The following ATRNL1 variants were observed in gnomAD, a reference collection of about 807,000 sequenced individuals.
ATRNL1 encodes attractin like 1.
A neutral mutation model predicts 182.7 loss-of-function variants in ATRNL1; 95 were observed. The ratio of observed to expected loss-of-function variants is 0.52; its 90% CI spans 0.44 to 0.62. The LOEUF is 0.62. Ranked by LOEUF, ATRNL1 falls within the 20% of genes least tolerant of loss-of-function variation. The pLI is 0.00. For missense variants in ATRNL1, 1,471 were observed against 1,679.5 expected (o/e 0.88, Z 2.17); for synonymous variants, 576 against 568.3 (o/e 1.01, Z -0.19).
chr10:115,119,901 G>A (rs1220478807), intron 1 of ATRNL1, among the ~76,000 whole-genome samples: 1 of 151,990 alleles, frequency 6.6e-6, no homozygotes, highest in East Asian at 1.9e-4. Context: ...CATCAACATT[G>A]AATCCTTCAG....
intron 26 of ATRNL1, among the ~76,000 whole-genome samples, chr10:115,688,569 TG>T (rs1368234554): frequency 6.6e-6 from 1 of 152,202 alleles, no homozygotes; most frequent in African/African-American, 2.4e-5. Context: ...TTAGTGACGT[TG>T]GGGCATTTTT....
intron 27 of ATRNL1, among the ~76,000 whole-genome samples, chr10:115,773,519 G>C (rs187891082): frequency 6.6e-6 from 1 of 152,064 alleles, no homozygotes; most frequent in African/African-American, 2.4e-5. Context: ...ATAAGATATA[G>C]CCCAGTCATA....
intron 26 of ATRNL1, among the ~76,000 whole-genome samples, chr10:115,594,333 C>T (rs1033116210): frequency 1.3e-5 from 2 of 152,036 alleles, no homozygotes; most frequent in Admixed American, 1.3e-4. Flanking sequence ...CAAAATTTAG[C>T]AGATTTTATG....
At chr10:115,675,317 G>A (rs782805074) in intron 26 of ATRNL1, among the ~76,000 whole-genome samples, 1 of 152,052 alleles carries the variant, frequency 6.6e-6, no homozygotes, top group Non-Finnish European at 1.5e-5. Context: ...AGCTATGATT[G>A]TGCGACTGCA....
Position 115,685,477 on chromosome 10 carries a change from C to A in ATRNL1, c.3796-41771C>A, listed in dbSNP as rs561785578. On this transcript the variant is annotated intron_variant, in intron 26 of 28. Coordinates refer to ENST00000355044, the MANE Select transcript of ATRNL1 (RefSeq NM_207303.4). Reference sequence around the variant, plus strand: ...CAGTTCTGGCATATAATAAGTATTCCATAAAGAGCTAAAGCTACTGTCATC... The same window carrying A: ...CAGTTCTGGCATATAATAAGTATTCAATAAAGAGCTAAAGCTACTGTCATC... Among the ~76,000 whole-genome samples the A allele has an allele frequency of 1.6e-4, 24 of 151,760 alleles. No individual in the cohort carries two copies. The South Asian group carries it at 5.0e-3, about 31-fold the overall frequency.
rs565664152 is a variant in ATRNL1 at position 115,586,644 on chromosome 10, T to C, written c.3795+37108T>C. 2.5e-3 allele frequency among the ~76,000 whole-genome samples: 290 copies of C among 117,758 alleles called. 9 individuals carry two copies. Among genetic ancestry groups the C allele is most frequent in the African/African-American group, 7.5e-3 (280 of 37,138 alleles). 77.3% of individuals were successfully genotyped at this position (117,758 alleles called of 152,430 possible). A position where few individuals can be genotyped will look rare whatever the true frequency, so the allele number is the denominator to read the frequency against. On this transcript the variant is annotated intron_variant, in intron 26 of 28. Transcript: ENST00000355044. ...ACTTCTCTGTATTGGTTATTCTAGT[T>C]ATACATTCTTCTAAATTTTTTTCAG...
chr10:115,158,432 T>C (rs1846623972), intron 5 of ATRNL1, among the ~76,000 whole-genome samples: 1 of 152,050 alleles, frequency 6.6e-6, no homozygotes, highest in Non-Finnish European at 1.5e-5. Context: ...TCTAAGTTAC[T>C]GTAATTAAAT....
At chr10:115,480,708 ATATAT>A (rs1366480394) in intron 24 of ATRNL1, among the ~76,000 whole-genome samples, 1 of 151,118 alleles carries the variant, frequency 6.6e-6, no homozygotes, top group Non-Finnish European at 1.5e-5. Context: ...CACAAGGAAG[ATATAT>A]TACATTTACA....
chr10:115,367,813 C>T (rs1445003232), intron 19 of ATRNL1, among the ~76,000 whole-genome samples: 2 of 144,438 alleles, frequency 1.4e-5, no homozygotes, highest in South Asian at 2.3e-4. Context: ...CTGGGGGGTG[C>T]CTCCCAGTTA....
intron 27 of ATRNL1, among the ~76,000 whole-genome samples, chr10:115,734,489 C>A (rs782192660): frequency 2.6e-5 from 4 of 151,938 alleles, no homozygotes; most frequent in Non-Finnish European, 5.9e-5. Flanking sequence ...ATTCTCTAAT[C>A]CTTTTCTATT....
chr10:115,797,463 G>A (rs1250586295), intron 27 of ATRNL1, among the ~76,000 whole-genome samples: 2 of 152,070 alleles, frequency 1.3e-5, no homozygotes, highest in Non-Finnish European at 2.9e-5. Context: ...GGAAGGGCTG[G>A]GGTGCAGGCA....
In ATRNL1 at chr10:115,238,637, T is replaced by C. The variant is rs144002421; in HGVS notation, c.1533-2934T>C. On this transcript the variant is annotated intron_variant, in intron 9 of 28. Transcript: ENST00000355044. ...TAGAGGGTTTTTTTGGTTGTTGTTG[T>C]TGTTGTTGTTGATTCTTTGGGATTT... Among the ~76,000 whole-genome samples the C allele has an allele frequency of 4.6e-5, 7 of 152,246 alleles. No individual in the cohort carries two copies. In the East Asian group the frequency reaches 1.4e-3, roughly 29 times the overall value.
intron 7 of ATRNL1, among the ~76,000 whole-genome samples, chr10:115,168,511 T>C (rs1254755045): frequency 6.6e-6 from 1 of 152,102 alleles, no homozygotes; most frequent in Non-Finnish European, 1.5e-5. Context: ...GCCATCCTAG[T>C]GGGTTGAAGT....
chr10:115,467,377 G>C (rs892566372), intron 23 of ATRNL1, 125 bp downstream of exon 23: 11 of 545,748 alleles, frequency 2.0e-5, no homozygotes, highest in Non-Finnish European at 3.1e-5. Flanking sequence ...TTATTTTGCT[G>C]TTACTGGTAA....
intron 21 of ATRNL1, among the ~76,000 whole-genome samples, chr10:115,449,343 C>T (rs1431498127): frequency 3.3e-5 from 5 of 152,080 alleles, no homozygotes; most frequent in Admixed American, 3.3e-4. Flanking sequence ...GAGAGCAAGA[C>T]TCCGGGGAAA....
At chr10:115,912,558 G>T (rs1294077765) in intron 28 of ATRNL1, among the ~76,000 whole-genome samples, 1 of 151,972 alleles carries the variant, frequency 6.6e-6, no homozygotes, top group African/African-American at 2.4e-5. Flanking sequence ...TCATATTCAG[G>T]TTCAGTAATT....
chr10:115,719,282 A>T (rs1254096489), intron 26 of ATRNL1, among the ~76,000 whole-genome samples: 1 of 152,212 alleles, frequency 6.6e-6, no homozygotes, highest in African/African-American at 2.4e-5. Context: ...CATGTGCCAC[A>T]TGAAGTACAG....
chr10:115,126,762 C>T (rs1170799697), intron 3 of ATRNL1, among the ~76,000 whole-genome samples: 2 of 152,080 alleles, frequency 1.3e-5, no homozygotes, highest in African/African-American at 2.4e-5. Context: ...TTGACCGTGT[C>T]GAGTTATATA....
In ATRNL1 at chr10:115,315,498, T is replaced by C. The variant is rs782308544; in HGVS notation, c.2819-20T>C. On this transcript the variant is annotated intron_variant, in intron 17 of 28. Transcript: ENST00000355044. ...ATATATAGTCATGTTAACATATTTG[T>C]CAATGTTCCTGTCACGCAGCTCAAA... The C allele has an allele frequency of 1.3e-6, 2 of 1,555,134 alleles. No individual in the cohort carries two copies. Among genetic ancestry groups the C allele is most frequent in the East Asian group, 2.3e-5 (1 of 44,394 alleles).
Sources: gnomAD v4.1 joint callset for allele counts (sites outside exome capture counted in the v4.1 genomes callset) on GRCh38, gnomAD v4.1.1 for gene constraint, MANE v1.5 for transcripts, NCBI Gene and HGNC (gene_info 2026-07-23, HGNC 2026-07-21) for gene names.